The following RIT1 variants were observed in gnomAD, a reference collection of about 807,000 sequenced individuals.
RIT1 encodes GTP-binding protein Rit1.
RIT1 carries 6 observed loss-of-function variants against 25.6 expected under a neutral mutation model. That is an observed-to-expected ratio of 0.23 (90% CI 0.13 to 0.46). RIT1 has a LOEUF of 0.46. Ranked by LOEUF, RIT1 falls within the 20% of genes least tolerant of loss-of-function variation. The probability of loss-of-function intolerance (pLI) is 0.99; values close to 1 mark genes in which losing one functional copy is unlikely to be tolerated. For synonymous variants in RIT1, 81 were observed against 94.1 expected (o/e 0.86, Z 0.80); for missense variants, 219 against 284.4 (o/e 0.77, Z 1.65).
chr1:155,900,271 A>T lies in RIT1; in HGVS notation c.*117T>A. 1 of 714,256 alleles carries T rather than the reference A, an allele frequency of 1.4e-6. No homozygotes were observed. Among genetic ancestry groups the T allele is most frequent in the Non-Finnish European group, 2.4e-6 (1 of 412,922 alleles). 44.2% of individuals were successfully genotyped at this position (714,256 alleles called of 1,614,324 possible). ...TACCACATCATTAAAAACTCCTAGTAGGCATGTCCCTCTTATCAGTTAAGT... is the reference window on the plus strand; with the variant it reads ...TACCACATCATTAAAAACTCCTAGTTGGCATGTCCCTCTTATCAGTTAAGT... On this transcript the variant is annotated 3_prime_UTR_variant, in exon 6 of 6. Coordinates refer to ENST00000368323, the MANE Select transcript of RIT1 (RefSeq NM_006912.6).
chr1:155,901,507 G>C (rs774895934), intron 5 of RIT1, among the ~76,000 whole-genome samples: 3 of 151,858 alleles, frequency 2.0e-5, no homozygotes, highest in Non-Finnish European at 2.9e-5. Context: ...GCATGGTGTT[G>C]GGCACCTGTA....
Position 155,900,321 on chromosome 1 carries a change from A to G in RIT1, c.*67T>C. On this transcript the variant is annotated 3_prime_UTR_variant, in exon 6 of 6. Coordinates refer to ENST00000368323, the MANE Select transcript of RIT1 (RefSeq NM_006912.6). ...TGAAAGAGCAAGCACCATACTCAGTACTGCAGGTTACTGGACTGCTTTGAT... is the reference window on the plus strand; with the variant it reads ...TGAAAGAGCAAGCACCATACTCAGTGCTGCAGGTTACTGGACTGCTTTGAT... 1 of 1,094,482 alleles carries G rather than the reference A, an allele frequency of 9.1e-7. No individual in the cohort carries two copies. Among genetic ancestry groups the G allele is most frequent in the Non-Finnish European group, 1.4e-6 (1 of 719,778 alleles). The allele number at this position is 1,094,482 out of a possible 1,614,324, so 67.8% of individuals were successfully genotyped here.
chr1:155,910,962 A>AC (rs1673584665), intron 1 of RIT1, 158 bp from the exon 2 acceptor site: 1 of 1,413,368 alleles, frequency 7.1e-7, no homozygotes, highest in Non-Finnish European at 9.3e-7. Flanking sequence ...GGCCCTAAGA[A>AC]ACCCCCCCAT....
At chr1:155,905,881 G>A (rs1673427229) in intron 3 of RIT1, among the ~76,000 whole-genome samples, 1 of 151,072 alleles carries the variant, frequency 6.6e-6, no homozygotes, top group Admixed American at 6.6e-5. Flanking sequence ...AGACTGGAGT[G>A]CAGTGGCATG....
intron 3 of RIT1, among the ~76,000 whole-genome samples, chr1:155,907,978 T>C (rs656247): frequency 0.52 from 78,264 of 151,238 alleles, 23,329 homozygotes; most frequent in Non-Finnish European, 0.67. Flanking sequence ...TAGTCCCAGC[T>C]ACGCTGGAGC....
rs551778089 is a variant in RIT1, at chr1:155,904,589, C to T, written c.238-87G>A. On this transcript the variant is annotated intron_variant, in intron 4 of 5. Coordinates refer to ENST00000368323, the MANE Select transcript of RIT1 (RefSeq NM_006912.6). ...GCTATTTCTTTCAGATTAAAGAAAA[C>T]GCATGTCGATTACCTGCTATCCTGA... The T allele has an allele frequency of 1.7e-5, 23 of 1,316,788 alleles. No individual in the cohort carries two copies. In the Admixed American group the frequency reaches 3.1e-4, roughly 18 times the overall value. 81.6% of individuals were successfully genotyped at this position (1,316,788 alleles called of 1,614,324 possible).
At position 155,904,522 on chromosome 1, in the gene RIT1, A is replaced by G. The variant is rs1204209694; in HGVS notation, c.238-20T>C. 1.2e-6 allele frequency: 2 copies of G among 1,601,838 alleles called. No individual in the cohort carries two copies. The highest frequency in any genetic ancestry group is 1.7e-6 in the Non-Finnish European group (2 of 1,170,224). On this transcript the variant is annotated intron_variant, in intron 4 of 5. Transcript: ENST00000368323. ...CTCTGCCTAGAGGGAAACAAGGGTC[A>G]TTATGTATTGACGCAATCTAGCCCA...
rs569661142 is a variant in RIT1, at chr1:155,899,372, C to G, written c.*1016G>C. ...CACTGAGTCTAGTGATTGTCCACGT[C>G]AAGGAGGCACACACACAATTTTACC... On this transcript the variant is annotated 3_prime_UTR_variant, in exon 6 of 6. Coordinates refer to ENST00000368323, the MANE Select transcript of RIT1 (RefSeq NM_006912.6). 2.6e-4 allele frequency: 58 copies of G among 225,900 alleles called. No homozygotes were observed. In the Middle Eastern group the frequency reaches 8.2e-3, roughly 32 times the overall value. 14.0% of individuals were successfully genotyped at this position (225,900 alleles called of 1,614,324 possible). A position where few individuals can be genotyped will look rare whatever the true frequency, so the allele number is the denominator to read the frequency against.
intron 3 of RIT1, among the ~76,000 whole-genome samples, chr1:155,909,109 G>C (rs1390230445): frequency 6.6e-6 from 1 of 151,752 alleles, no homozygotes; most frequent in Non-Finnish European, 1.5e-5. Context: ...CGGCGCAGTG[G>C]TCACGCCTGT....
chr1:155,902,713 C>T (rs1360562270), intron 5 of RIT1, among the ~76,000 whole-genome samples: 2 of 149,894 alleles, frequency 1.3e-5, no homozygotes, highest in Admixed American at 6.7e-5. Context: ...TGGTGGCAGG[C>T]ACATGTAATC....
chr1:155,909,110 T>A (rs544850624), intron 3 of RIT1, among the ~76,000 whole-genome samples: 113 of 151,784 alleles, frequency 7.4e-4, no homozygotes, highest in Non-Finnish European at 1.3e-3. Context: ...GGCGCAGTGG[T>A]CACGCCTGTA....
chr1:155,902,003 G>A (rs1413978957), intron 5 of RIT1, among the ~76,000 whole-genome samples: 1 of 152,074 alleles, frequency 6.6e-6, no homozygotes, highest in African/African-American at 2.4e-5. Context: ...TGATCACCGG[G>A]ATTGCAAATC....
Position 155,904,721 on chromosome 1 carries a change from G to T in RIT1, c.237+10C>A, listed in dbSNP as rs367785615. On this transcript the variant is annotated intron_variant, in intron 4 of 5. Transcript: ENST00000368323. ...AAAGCCTTTACTCATAACATTCTGG[G>T]ATTTAATACCTGTCCAGCTGTATCC... 473 of 1,596,316 alleles carry T rather than the reference G, an allele frequency of 3.0e-4. 1 individual carries two copies. Among genetic ancestry groups the T allele is most frequent in the Non-Finnish European group, 3.6e-4 (424 of 1,164,102 alleles).
At position 155,900,376 on chromosome 1, in the gene RIT1, C is replaced by T. The variant is rs1190792003; in HGVS notation, c.*12G>A. ...CACTGCAGTTCACAGATAAACACTT[C>T]ACATCTTCTCTTCAAGTTACTGAAT... On this transcript the variant is annotated 3_prime_UTR_variant, in exon 6 of 6. Transcript: ENST00000368323. 7 of 1,599,014 alleles carry T rather than the reference C, an allele frequency of 4.4e-6. No individual in the cohort carries two copies. The highest frequency in any genetic ancestry group is 6.0e-6 in the Non-Finnish European group (7 of 1,166,662).
At chr1:155,907,444 T>C (rs1199596241) in intron 3 of RIT1, among the ~76,000 whole-genome samples, 1 of 152,144 alleles carries the variant, frequency 6.6e-6, no homozygotes, top group South Asian at 2.1e-4. Flanking sequence ...GGTTTTACCA[T>C]GTTGGCCAGG....
chr1:155,910,256 A>C, intron 3 of RIT1, 194 bp downstream of exon 3: 2 of 585,836 alleles, frequency 3.4e-6, no homozygotes, highest in Non-Finnish European at 6.0e-6. Flanking sequence ...CAAAGACTAA[A>C]GATGGCTTAT....
chr1:155,906,757 C>T (rs1171063705), intron 3 of RIT1, among the ~76,000 whole-genome samples: 2 of 92,094 alleles, frequency 2.2e-5, no homozygotes, highest in African/African-American at 4.5e-5. Context: ...TGAAATTCTC[C>T]GTCTCAAAAA....
intron 5 of RIT1, among the ~76,000 whole-genome samples, chr1:155,901,533 G>A (rs1673312138): frequency 6.6e-6 from 1 of 152,136 alleles, no homozygotes; most frequent in African/African-American, 2.4e-5. Flanking sequence ...AGTTACTCGT[G>A]AGGCTGAGGC....
At chr1:155,902,524 G>A (rs1371194339) in intron 5 of RIT1, among the ~76,000 whole-genome samples, 1 of 149,930 alleles carries the variant, frequency 6.7e-6, no homozygotes, top group Non-Finnish European at 1.5e-5. Flanking sequence ...TGATAAGAGT[G>A]AAACTCTGTC....
Sources: allele counts gnomAD v4.1 joint callset (sites outside exome capture counted in the v4.1 genomes callset), GRCh38; gene constraint gnomAD v4.1.1; transcripts MANE v1.5; gene names NCBI Gene and HGNC (gene_info 2026-07-23, HGNC 2026-07-21).